Variants in MITF observed in about 807,000 individuals in gnomAD.
MITF encodes the protein microphthalmia-associated transcription factor.
A neutral mutation model predicts 60.5 loss-of-function variants in MITF; 17 were observed. That is an observed-to-expected ratio of 0.28 (90% CI 0.19 to 0.42). The LOEUF is 0.42. Among genes scored for constraint, MITF ranks in the 10% least tolerant of loss-of-function variants. The pLI is 1.00. For missense variants in MITF, 622 were observed against 683.5 expected (o/e 0.91, Z 1.00); for synonymous variants, 260 against 248.5 (o/e 1.05, Z -0.43).
chr3:69,950,536 A>T (rs1166988412), intron 6 of MITF, among the ~76,000 whole-genome samples: 1 of 148,386 alleles, frequency 6.7e-6, no homozygotes, highest in Non-Finnish European at 1.5e-5. Flanking sequence ...ACATGGATGT[A>T]TGCATATAGA....
At chr3:69,893,482 GAGTA>G (rs1380110262) in intron 2 of MITF, among the ~76,000 whole-genome samples, 4 of 152,046 alleles carry the variant, frequency 2.6e-5, no homozygotes, top group African/African-American at 7.3e-5. Flanking sequence ...TTGCTCTGAG[GAGTA>G]AGTGACATGA....
Position 69,938,069 on chromosome 3 carries a change from C to T in MITF, c.582+20C>T, listed in dbSNP as rs1421199190. 1 of 1,601,222 alleles carries T rather than the reference C, an allele frequency of 6.2e-7. No individual in the cohort carries two copies. The highest frequency in any genetic ancestry group is 8.6e-7 in the Non-Finnish European group (1 of 1,168,534). On this transcript the variant is annotated intron_variant, in intron 3 of 9. Coordinates refer to ENST00000352241, the MANE Select transcript of MITF (RefSeq NM_001354604.2). ...AAAGAGGTAATTCATGTCTCCTCTC[C>T]TCTCCTGTTTTCTTATGCTAAATAA...
At chr3:69,803,015 G>A (rs2062947695) in intron 1 of MITF, among the ~76,000 whole-genome samples, 1 of 152,058 alleles carries the variant, frequency 6.6e-6, no homozygotes, top group African/African-American at 2.4e-5. Flanking sequence ...GACCTCAGGC[G>A]ATCTGCCCGC....
chr3:69,848,844 A>G (rs1052160557), intron 1 of MITF, among the ~76,000 whole-genome samples: 3 of 152,028 alleles, frequency 2.0e-5, no homozygotes, highest in Admixed American at 2.0e-4. Flanking sequence ...TCTAGAATGT[A>G]CTTCTCACAT....
chr3:69,962,366 A>C (rs879636087), intron 9 of MITF, among the ~76,000 whole-genome samples: 2 of 152,214 alleles, frequency 1.3e-5, no homozygotes, highest in Non-Finnish European at 2.9e-5. Context: ...GTGCCTGAAG[A>C]AACTTGTGTT....
At chr3:69,829,001 C>G (rs1026224994) in intron 1 of MITF, among the ~76,000 whole-genome samples, 21 of 151,850 alleles carry the variant, frequency 1.4e-4, no homozygotes, top group African/African-American at 4.6e-4. Context: ...CAAAGTGTGA[C>G]CCATGGACTG....
chr3:69,827,653 C>T (rs1343251820), intron 1 of MITF, among the ~76,000 whole-genome samples: 7 of 152,098 alleles, frequency 4.6e-5, no homozygotes, highest in Non-Finnish European at 8.8e-5. Flanking sequence ...TTGGCTCAGT[C>T]ATGTTTTAAA....
chr3:69,772,257 G>A (rs140545647), intron 1 of MITF, among the ~76,000 whole-genome samples: 2 of 152,080 alleles, frequency 1.3e-5, no homozygotes, highest in African/African-American at 4.8e-5. Flanking sequence ...CCTTATTTTT[G>A]GGCACTCTTA....
At chr3:69,920,323 CG>C (rs1283613054) in intron 2 of MITF, among the ~76,000 whole-genome samples, 1 of 151,920 alleles carries the variant, frequency 6.6e-6, no homozygotes, top group African/African-American at 2.4e-5. Flanking sequence ...TCCTTTTCCC[CG>C]GGGGAGTTTA....
intron 1 of MITF, among the ~76,000 whole-genome samples, chr3:69,824,815 G>A (rs2063329812): frequency 6.6e-6 from 1 of 152,294 alleles, no homozygotes; most frequent in East Asian, 1.9e-4. Flanking sequence ...GGTGCCTCTG[G>A]TGGGACACCT....
At chr3:69,827,325 G>A (rs1182379900) in intron 1 of MITF, among the ~76,000 whole-genome samples, 1 of 152,198 alleles carries the variant, frequency 6.6e-6, no homozygotes, top group African/African-American at 2.4e-5. Flanking sequence ...GCTAAGTTTT[G>A]CTGCATTAAC....
chr3:69,919,538 G>A (rs1198483568), intron 2 of MITF, among the ~76,000 whole-genome samples: 1 of 152,018 alleles, frequency 6.6e-6, no homozygotes, highest in Non-Finnish European at 1.5e-5. Context: ...ATGTGCATGT[G>A]TGTGTATATA....
At chr3:69,928,525 G>A (rs2065644846) in intron 2 of MITF, among the ~76,000 whole-genome samples, 1 of 152,156 alleles carries the variant, frequency 6.6e-6, no homozygotes, top group Non-Finnish European at 1.5e-5. Flanking sequence ...AGTGATGAGA[G>A]TTGCAGAATG....
At chr3:69,917,223 G>A (rs147750439) in intron 2 of MITF, among the ~76,000 whole-genome samples, 4 of 152,234 alleles carry the variant, frequency 2.6e-5, no homozygotes, top group Admixed American at 1.3e-4. Context: ...AATAATGACC[G>A]AAAAGTCTCT....
In MITF at chr3:69,930,298, G is replaced by T. The variant is rs113140301; in HGVS notation, c.355-7524G>T. ...GATCCTTGAGGCACTCTGACATTTA[G>T]AGGGGAGAAGAGGAGAAAACTAGCT... is the stretch of plus-strand genomic sequence containing the variant. On this transcript the variant is annotated intron_variant, in intron 2 of 9. Transcript: ENST00000352241. Among the ~76,000 whole-genome samples, 1,307 of 152,272 alleles carry T rather than the reference G, an allele frequency of 8.6e-3. 13 individuals are homozygous for T. Among genetic ancestry groups the T allele is most frequent in the African/African-American group, 0.029 (1,222 of 41,546 alleles).
intron 1 of MITF, among the ~76,000 whole-genome samples, chr3:69,794,855 A>G (rs770408428): frequency 1.2e-4 from 19 of 152,236 alleles, no homozygotes; most frequent in Non-Finnish European, 2.5e-4. Flanking sequence ...AATGGAATCA[A>G]ATAGTATTTG....
chr3:69,916,131 C>T (rs2065328724), intron 2 of MITF, among the ~76,000 whole-genome samples: 1 of 152,142 alleles, frequency 6.6e-6, no homozygotes, highest in South Asian at 2.1e-4. Flanking sequence ...TTTTCCTATT[C>T]ATATGTTTTT....
chr3:69,874,640 T>C (rs1028066011), intron 1 of MITF, among the ~76,000 whole-genome samples: 8 of 152,292 alleles, frequency 5.3e-5, no homozygotes, highest in South Asian at 4.1e-4. Flanking sequence ...CAAGGAAAAG[T>C]AGAACATTGC....
chr3:69,909,073 A>C (rs2065164836), intron 2 of MITF, among the ~76,000 whole-genome samples: 1 of 152,000 alleles, frequency 6.6e-6, no homozygotes. Flanking sequence ...CCAAATCTCA[A>C]CTTGAATTGT....
Sources: allele counts gnomAD v4.1 joint callset (sites outside exome capture counted in the v4.1 genomes callset), GRCh38; gene constraint gnomAD v4.1.1; transcripts MANE v1.5; gene names NCBI Gene and HGNC (gene_info 2026-07-23, HGNC 2026-07-21).